The following DISP1 variants were observed in gnomAD, a reference collection of about 807,000 sequenced individuals.
DISP1 encodes dispatched RND transporter family member 1.
A neutral mutation model predicts 37.3 loss-of-function variants in DISP1; 30 were observed. That is an observed-to-expected ratio of 0.80 (90% CI 0.60 to 1.09). DISP1 has a LOEUF of 1.09. Among genes scored for constraint, DISP1 ranks in the 50% least tolerant of loss-of-function variants. DISP1 has a pLI of 0.00. For missense variants in DISP1, 1,598 were observed against 1,879.5 expected (o/e 0.85, Z 2.77); for synonymous variants, 634 against 690.2 (o/e 0.92, Z 1.28).
chr1:222,923,478 A>G (rs1447589377), intron 1 of DISP1, among the ~76,000 whole-genome samples: 1 of 152,228 alleles, frequency 6.6e-6, no homozygotes, highest in Non-Finnish European at 1.5e-5. Flanking sequence ...GGATAAATAC[A>G]GTAATTAATA....
At chr1:222,899,127 T>A (rs930076087) in intron 1 of DISP1, among the ~76,000 whole-genome samples, 10 of 152,150 alleles carry the variant, frequency 6.6e-5, no homozygotes, top group Non-Finnish European at 1.5e-4. Context: ...TTTACCTTTT[T>A]GATTCCTACA....
chr1:222,991,548 G>A lies in DISP1; in HGVS notation c.692G>A (p.Gly231Asp), dbSNP rs775443445. 1.2e-6 allele frequency: 2 copies of A among 1,613,852 alleles called. No homozygotes were observed. The highest frequency in any genetic ancestry group is 1.7e-6 in the Non-Finnish European group (2 of 1,179,856). Reference protein sequence around the residue: ...LGFEPRGTAIGQRLVTWNNMV... With the variant: ...LGFEPRGTAIDQRLVTWNNMV... ...TTTGAACCAAGAGGAACAGCAATAG[G>A]CCAGAGATTGGTCACATGGAATAAT... The change falls in exon 6 of 9, where the codon GGC (glycine) becomes GAC (aspartate). Residue 231 changes from glycine (G) to aspartate (D), a missense_variant. By Grantham distance (94) the Gly-to-Asp change is moderately conservative. Coordinates refer to ENST00000675850, the MANE Select transcript of DISP1 (RefSeq NM_001377229.1).
intron 1 of DISP1, among the ~76,000 whole-genome samples, chr1:222,822,759 AGAGT>A (rs1663256511): frequency 6.6e-6 from 1 of 152,350 alleles, no homozygotes; most frequent in African/African-American, 2.4e-5. Context: ...CTAAAATATC[AGAGT>A]GAGTGGTGTG....
chr1:222,998,299 A>C (rs766852250), intron 8 of DISP1, among the ~76,000 whole-genome samples: 3 of 151,150 alleles, frequency 2.0e-5, no homozygotes, highest in Non-Finnish European at 2.9e-5. Context: ...TATGAAGTTA[A>C]ATGGGGCGCA....
intron 1 of DISP1, among the ~76,000 whole-genome samples, chr1:222,856,886 T>A (rs528217282): frequency 6.6e-6 from 1 of 152,052 alleles, no homozygotes; most frequent in East Asian, 1.9e-4. Context: ...GTATTTTAAG[T>A]AGAGATGGGG....
chr1:222,965,983 T>A (rs1676448519), intron 3 of DISP1, among the ~76,000 whole-genome samples: 1 of 151,988 alleles, frequency 6.6e-6, no homozygotes, highest in Non-Finnish European at 1.5e-5. Flanking sequence ...CAGTGAGCCA[T>A]GAATGAGCCA....
chr1:222,934,790 A>T (rs1216416711), intron 2 of DISP1, among the ~76,000 whole-genome samples: 1 of 152,116 alleles, frequency 6.6e-6, no homozygotes, highest in African/African-American at 2.4e-5. Flanking sequence ...CATTTATATG[A>T]GTTGCACTAA....
intron 3 of DISP1, among the ~76,000 whole-genome samples, chr1:222,964,982 A>G (rs1475741928): frequency 6.6e-6 from 1 of 152,062 alleles, no homozygotes; most frequent in Non-Finnish European, 1.5e-5. Flanking sequence ...CCTCACAGCT[A>G]ACTCCCAAGC....
intron 1 of DISP1, among the ~76,000 whole-genome samples, chr1:222,898,602 G>T (rs549075733): frequency 1.5e-3 from 221 of 150,184 alleles, no homozygotes; most frequent in Non-Finnish European, 2.6e-3. Flanking sequence ...ACACATTCAG[G>T]TTTGTTACTT....
intron 1 of DISP1, among the ~76,000 whole-genome samples, chr1:222,901,465 C>T (rs1005524172): frequency 6.6e-6 from 1 of 151,998 alleles, no homozygotes; most frequent in Non-Finnish European, 1.5e-5. Context: ...ATTTGGGGAC[C>T]TGCAGAAGCT....
At chr1:222,982,168 A>T (rs1254134322) in intron 3 of DISP1, among the ~76,000 whole-genome samples, 2 of 152,238 alleles carry the variant, frequency 1.3e-5, no homozygotes, top group African/African-American at 4.8e-5. Context: ...CATGTGGCTT[A>T]CTAAAAGCCG....
intron 3 of DISP1, among the ~76,000 whole-genome samples, chr1:222,961,090 A>G (rs28845470): frequency 0.47 from 71,888 of 152,074 alleles, 18,831 homozygotes; most frequent in Non-Finnish European, 0.59. Context: ...ACAACAGAAA[A>G]AGAGGGATTC....
intron 1 of DISP1, chr1:222,837,345 A>T (rs1014528277): frequency 5.8e-6 from 2 of 347,052 alleles, no homozygotes; most frequent in African/African-American, 2.1e-5. Context: ...TTACTTTTGT[A>T]CTGTTATGTG....
In DISP1 at chr1:223,002,378, T is replaced by C; in HGVS notation, c.988-7T>C. 6.2e-7 allele frequency: 1 copy of C among 1,613,194 alleles called. No homozygotes were observed. Among genetic ancestry groups the C allele is most frequent in the Non-Finnish European group, 8.5e-7 (1 of 1,179,384 alleles). ...TGTAGTCCTTCTGCTTGTCTCTATC[T>C]CTGCAGATCAGATCTCATCCCCAGT... is the stretch of plus-strand genomic sequence containing the variant. On this transcript the variant is annotated splice_polypyrimidine_tract_variant and splice_region_variant and intron_variant, in intron 8 of 8. Transcript: ENST00000675850.
At chr1:222,961,521 G>A (rs1676053519) in intron 3 of DISP1, among the ~76,000 whole-genome samples, 1 of 152,104 alleles carries the variant, frequency 6.6e-6, no homozygotes, top group Admixed American at 6.6e-5. Context: ...ATATTGAATG[G>A]GCAAAAACTG....
chr1:222,821,137 C>G (rs1418102466), intron 1 of DISP1, among the ~76,000 whole-genome samples: 1 of 152,044 alleles, frequency 6.6e-6, no homozygotes, highest in African/African-American at 2.4e-5. Flanking sequence ...AACAATGCAC[C>G]TTTTGGCTGT....
At chr1:222,919,472 G>A (rs1254998170) in intron 1 of DISP1, among the ~76,000 whole-genome samples, 1 of 152,200 alleles carries the variant, frequency 6.6e-6, no homozygotes, top group Admixed American at 6.5e-5. Context: ...ATGAAGGGCT[G>A]TAGAAGCTCA....
intron 1 of DISP1, among the ~76,000 whole-genome samples, chr1:222,919,226 GTATACCACTGGAGGC>G (rs993536240): frequency 1.3e-5 from 2 of 152,208 alleles, no homozygotes; most frequent in Non-Finnish European, 2.9e-5. Context: ...GATCAACTTA[GTATACCACTGGAGGC>G]TATATGAGTA....
At chr1:222,931,990 T>C (rs1322224449) in intron 2 of DISP1, among the ~76,000 whole-genome samples, 3 of 151,946 alleles carry the variant, frequency 2.0e-5, no homozygotes, top group Non-Finnish European at 4.4e-5. Context: ...GCTTAAGAAG[T>C]ACTGCAGATG....
Sources: allele counts gnomAD v4.1 joint callset (sites outside exome capture counted in the v4.1 genomes callset), GRCh38; gene constraint gnomAD v4.1.1; transcripts MANE v1.5; gene names NCBI Gene and HGNC (gene_info 2026-07-23, HGNC 2026-07-21).